ATP1B3: variants seen among roughly 807,000 people sequenced by gnomAD.
ATP1B3 encodes ATPase Na+/K+ transporting subunit beta 3.
In ATP1B3, 10 loss-of-function variants were observed where a neutral mutation model predicts 30.2. That is an observed-to-expected ratio of 0.33 (90% CI 0.20 to 0.56). The LOEUF (loss-of-function observed/expected upper bound fraction) is 0.56, where lower values mean the gene tolerates loss of function less well. ATP1B3 is among the 20% of genes least tolerant of loss of function. The probability of loss-of-function intolerance (pLI) is 0.90; values close to 1 mark genes in which losing one functional copy is unlikely to be tolerated. For synonymous variants in ATP1B3, 113 were observed against 117.0 expected, an observed-to-expected ratio of 0.97 and a Z score of 0.22; for missense variants, 238 against 336.7, an observed-to-expected ratio of 0.71 and a Z score of 2.29.
chr3:141,923,213 G>A (rs898412393), intron 6 of ATP1B3, among the ~76,000 whole-genome samples: 6 of 151,608 alleles, frequency 4.0e-5, no homozygotes, highest in African/African-American at 1.5e-4. Context: ...GGGAGGCAGA[G>A]ATTGCAGTGA....
chr3:141,896,336 G>T (rs1330770333), intron 1 of ATP1B3, among the ~76,000 whole-genome samples: 1 of 151,732 alleles, frequency 6.6e-6, no homozygotes, highest in African/African-American at 2.4e-5. Flanking sequence ...ATTTTCTTAA[G>T]AAGACCCCCT....
chr3:141,918,562 C>T (rs1039541805), intron 5 of ATP1B3, among the ~76,000 whole-genome samples: 1 of 151,960 alleles, frequency 6.6e-6, no homozygotes, highest in Non-Finnish European at 1.5e-5. Flanking sequence ...CCTCAGCCTC[C>T]CAAGTAGCTG....
At chr3:141,909,407 T>C (rs1004053860) in intron 3 of ATP1B3, among the ~76,000 whole-genome samples, 4 of 152,154 alleles carry the variant, frequency 2.6e-5, no homozygotes, top group Admixed American at 1.3e-4. Flanking sequence ...AATTAGAAGA[T>C]AGTACATCCT....
At chr3:141,910,674 T>G (rs138928160) in intron 3 of ATP1B3, among the ~76,000 whole-genome samples, 1 of 152,268 alleles carries the variant, frequency 6.6e-6, no homozygotes, top group African/African-American at 2.4e-5. Flanking sequence ...CCTGCTGCAC[T>G]CTACTGTTTC....
chr3:141,896,855 C>T (rs1269668786), intron 1 of ATP1B3, among the ~76,000 whole-genome samples: 2 of 152,176 alleles, frequency 1.3e-5, no homozygotes, highest in East Asian at 3.9e-4. Flanking sequence ...GAGTTTGGTA[C>T]TTTTCTTTAT....
intron 2 of ATP1B3, among the ~76,000 whole-genome samples, chr3:141,905,568 A>C (rs987996209): frequency 3.9e-5 from 6 of 151,984 alleles, no homozygotes; most frequent in Non-Finnish European, 8.8e-5. Context: ...TTTTCTAATG[A>C]TTTCTTTTGT....
chr3:141,923,922 A>G (rs1464222319), intron 6 of ATP1B3, among the ~76,000 whole-genome samples: 3 of 152,236 alleles, frequency 2.0e-5, no homozygotes. Context: ...CAGGAGGGAC[A>G]TGGTATCATT....
At chr3:141,880,708 C>T (rs1933704992) in intron 1 of ATP1B3, among the ~76,000 whole-genome samples, 1 of 152,026 alleles carries the variant, frequency 6.6e-6, no homozygotes. Context: ...GTGTATTTTG[C>T]ATATATAGAT....
At chr3:141,910,506 T>C (rs1050961388) in intron 3 of ATP1B3, among the ~76,000 whole-genome samples, 6 of 152,168 alleles carry the variant, frequency 3.9e-5, no homozygotes, top group Admixed American at 2.0e-4. Context: ...GATTTACTAT[T>C]TTTAGTTTCA....
chr3:141,892,925 A>G lies in ATP1B3; in HGVS notation c.110-10695A>G, dbSNP rs73870535. Among the ~76,000 whole-genome samples, 722 of 152,300 alleles carry G rather than the reference A, an allele frequency of 4.7e-3. 6 individuals carry two copies. The highest frequency in any genetic ancestry group is 0.017 in the African/African-American group (698 of 41,556). On this transcript the variant is annotated intron_variant, in intron 1 of 6. Transcript: ENST00000286371. Reference sequence around the variant, plus strand: ...TACTATATGCAACTTATTCCTCAGAATTGATAAGGAAAAGCAATTAAAACA... The same window carrying G: ...TACTATATGCAACTTATTCCTCAGAGTTGATAAGGAAAAGCAATTAAAACA...
chr3:141,921,167 T>G (rs1021222390), intron 5 of ATP1B3, among the ~76,000 whole-genome samples: 3 of 152,222 alleles, frequency 2.0e-5, no homozygotes, highest in African/African-American at 7.2e-5. Context: ...GTGGTCTGTT[T>G]GCTACTTCTC....
At chr3:141,887,187 A>G (rs1159375851) in intron 1 of ATP1B3, among the ~76,000 whole-genome samples, 2 of 152,168 alleles carry the variant, frequency 1.3e-5, no homozygotes, top group East Asian at 1.9e-4. Context: ...GTAGCTTGAA[A>G]TTGGCCATAG....
intron 1 of ATP1B3, among the ~76,000 whole-genome samples, chr3:141,889,171 A>G (rs574819668): frequency 9.2e-5 from 14 of 152,250 alleles, no homozygotes; most frequent in Admixed American, 5.9e-4. Flanking sequence ...TCTGCCCCCC[A>G]TGATTCAGTC....
chr3:141,911,424 TAAA>T (rs1470716685), intron 3 of ATP1B3, among the ~76,000 whole-genome samples: 1 of 152,226 alleles, frequency 6.6e-6, no homozygotes, highest in African/African-American at 2.4e-5. Flanking sequence ...TAATTGGACT[TAAA>T]AAGTTTTATT....
intron 2 of ATP1B3, 53 bp downstream of exon 2, chr3:141,903,801 GAC>G: frequency 6.4e-7 from 1 of 1,574,630 alleles, no homozygotes; most frequent in Non-Finnish European, 8.7e-7. Flanking sequence ...TTTTTTTTGA[GAC>G]AGAGTTTCAC....
At chr3:141,917,086 C>A (rs13059822) in intron 5 of ATP1B3, among the ~76,000 whole-genome samples, 1 of 149,542 alleles carries the variant, frequency 6.7e-6, no homozygotes, top group Admixed American at 6.7e-5. Flanking sequence ...ATCTCCTGAC[C>A]TCGTGATCTG....
At chr3:141,905,615 CTT>C (rs990811909) in intron 2 of ATP1B3, among the ~76,000 whole-genome samples, 1 of 152,108 alleles carries the variant, frequency 6.6e-6, no homozygotes, top group African/African-American at 2.4e-5. Flanking sequence ...TTGAATAACT[CTT>C]TTAAAACTCT....
chr3:141,925,905 C>G lies in ATP1B3; in HGVS notation c.*204C>G, dbSNP rs1934650356. 1 of 597,804 alleles carries G rather than the reference C, an allele frequency of 1.7e-6. No homozygotes were observed. The highest frequency in any genetic ancestry group is 3.0e-5 in the East Asian group (1 of 33,162). 37.0% of individuals were successfully genotyped at this position (597,804 alleles called of 1,614,324 possible). ...CCTGTTGCCTCTGCTGCCCTTTGAACCAGTGTACAGTCGCCAGATAGGGAC... is the reference window on the plus strand; with the variant it reads ...CCTGTTGCCTCTGCTGCCCTTTGAAGCAGTGTACAGTCGCCAGATAGGGAC... On this transcript the variant is annotated 3_prime_UTR_variant, in exon 7 of 7. Coordinates refer to ENST00000286371, the MANE Select transcript of ATP1B3 (RefSeq NM_001679.4).
intron 3 of ATP1B3, among the ~76,000 whole-genome samples, chr3:141,911,195 A>G (rs1331779912): frequency 1.3e-5 from 2 of 151,782 alleles, no homozygotes; most frequent in Non-Finnish European, 2.9e-5. Context: ...TCTTTCTAGA[A>G]CTATTCTGTT....
Sources: allele counts gnomAD v4.1 joint callset (sites outside exome capture counted in the v4.1 genomes callset), GRCh38; gene constraint gnomAD v4.1.1; transcripts MANE v1.5; gene names NCBI Gene and HGNC (gene_info 2026-07-23, HGNC 2026-07-21).